Variants in ITGBL1 observed in about 807,000 individuals in gnomAD.
ITGBL1 encodes integrin subunit beta like 1.
A neutral mutation model predicts 68.5 loss-of-function variants in ITGBL1; 51 were observed. That is an observed-to-expected ratio of 0.74 (90% CI 0.59 to 0.94). ITGBL1 has a LOEUF of 0.94. Among genes scored for constraint, ITGBL1 ranks in the 40% least tolerant of loss-of-function variants. The probability of loss-of-function intolerance (pLI) is 0.00; values close to 1 mark genes in which losing one functional copy is unlikely to be tolerated. For synonymous variants in ITGBL1, 209 were observed against 227.3 expected (o/e 0.92, Z 0.72); for missense variants, 649 against 647.4 (o/e 1.00, Z -0.03).
chr13:101,592,820 A>C (rs1316382096), intron 6 of ITGBL1, among the ~76,000 whole-genome samples: 1 of 152,118 alleles, frequency 6.6e-6, no homozygotes, highest in Non-Finnish European at 1.5e-5. Context: ...AAAGCTACAA[A>C]ATTACTAGAA....
intron 7 of ITGBL1, among the ~76,000 whole-genome samples, chr13:101,640,517 A>G (rs1354977710): frequency 1.3e-5 from 2 of 152,284 alleles, no homozygotes; most frequent in African/African-American, 4.8e-5. Flanking sequence ...TTTTACTTCT[A>G]GAAGTCTATT....
At chr13:101,712,512 A>T (rs977196132) in intron 9 of ITGBL1, 1 of 152,224 alleles carries the variant, frequency 6.6e-6, no homozygotes, top group African/African-American at 2.4e-5. Context: ...AAGATATTTC[A>T]TGAATTGTGA....
intron 7 of ITGBL1, among the ~76,000 whole-genome samples, chr13:101,664,467 T>C (rs2033164644): frequency 6.6e-6 from 1 of 152,178 alleles, no homozygotes; most frequent in Non-Finnish European, 1.5e-5. Flanking sequence ...TATTTATATA[T>C]TGTTTCTTTT....
intron 8 of ITGBL1, 88 bp downstream of exon 8, chr13:101,692,789 T>G (rs2033911290): frequency 2.4e-6 from 2 of 828,824 alleles, no homozygotes; most frequent in Non-Finnish European, 4.2e-6. Flanking sequence ...CTTTTTCAAT[T>G]GCTGTTAAAA....
intron 2 of ITGBL1, among the ~76,000 whole-genome samples, chr13:101,533,483 A>G (rs2049518003): frequency 6.6e-6 from 1 of 152,164 alleles, no homozygotes; most frequent in Non-Finnish European, 1.5e-5. Flanking sequence ...GATTTCTTGT[A>G]TTTTCCACAA....
At chr13:101,638,978 G>T (rs933963704) in intron 7 of ITGBL1, among the ~76,000 whole-genome samples, 1 of 152,090 alleles carries the variant, frequency 6.6e-6, no homozygotes, top group Admixed American at 6.6e-5. Flanking sequence ...ATGGTAAAAA[G>T]TAACAACTAA....
At chr13:101,591,093 G>A (rs568792063) in intron 6 of ITGBL1, among the ~76,000 whole-genome samples, 1 of 152,184 alleles carries the variant, frequency 6.6e-6, no homozygotes, top group South Asian at 2.1e-4. Context: ...AGTAGAGATG[G>A]GGTTTCACCA....
intron 5 of ITGBL1, among the ~76,000 whole-genome samples, chr13:101,581,515 G>GA (rs1220543334): frequency 8.6e-5 from 13 of 151,474 alleles, no homozygotes; most frequent in Non-Finnish European, 1.5e-4. Flanking sequence ...TCTTATTAAA[G>GA]AAAAAAAATC....
intron 9 of ITGBL1, among the ~76,000 whole-genome samples, chr13:101,708,882 C>T (rs966546493): frequency 6.6e-6 from 1 of 152,208 alleles, no homozygotes; most frequent in Non-Finnish European, 1.5e-5. Flanking sequence ...CGCTTTGTGC[C>T]TTGTTTGTTC....
intron 7 of ITGBL1, among the ~76,000 whole-genome samples, chr13:101,673,238 C>A (rs1327322300): frequency 6.6e-6 from 1 of 152,170 alleles, no homozygotes; most frequent in Non-Finnish European, 1.5e-5. Context: ...TAAAATTTCA[C>A]AATCAATAGC....
chr13:101,481,653 G>C (rs2048626583), intron 2 of ITGBL1, among the ~76,000 whole-genome samples: 1 of 152,078 alleles, frequency 6.6e-6, no homozygotes, highest in South Asian at 2.1e-4. Flanking sequence ...ATCATGCTCT[G>C]ATGTTAAGTA....
At chr13:101,643,713 G>A (rs1390932515) in intron 7 of ITGBL1, among the ~76,000 whole-genome samples, 2 of 152,140 alleles carry the variant, frequency 1.3e-5, no homozygotes, top group African/African-American at 2.4e-5. Context: ...AGCAATTTGA[G>A]AACCAGCTGG....
intron 9 of ITGBL1, among the ~76,000 whole-genome samples, chr13:101,709,538 T>C (rs956726163): frequency 1.3e-5 from 2 of 152,146 alleles, no homozygotes; most frequent in East Asian, 1.9e-4. Context: ...GATTTTTTTT[T>C]CCTCTGAGCA....
chr13:101,624,544 A>G (rs971078343), intron 7 of ITGBL1, among the ~76,000 whole-genome samples: 1 of 152,184 alleles, frequency 6.6e-6, no homozygotes, highest in Admixed American at 6.6e-5. Context: ...AGAAAAACAG[A>G]GGTAGAATAA....
chr13:101,496,630 TCC>T (rs1221828907), intron 2 of ITGBL1, among the ~76,000 whole-genome samples: 1 of 152,174 alleles, frequency 6.6e-6, no homozygotes, highest in East Asian at 1.9e-4. Context: ...CCTTTGACTT[TCC>T]CTTGGAACCT....
At chr13:101,569,017 C>T in intron 3 of ITGBL1, among the ~76,000 whole-genome samples, 1 of 138,856 alleles carries the variant, frequency 7.2e-6, no homozygotes, top group South Asian at 2.4e-4. Flanking sequence ...ATAACACCCA[C>T]CCCTCCAAAC....
At chr13:101,595,333 G>C (rs190984696) in intron 6 of ITGBL1, among the ~76,000 whole-genome samples, 115 of 152,174 alleles carry the variant, frequency 7.6e-4, no homozygotes, top group African/African-American at 2.3e-3. Flanking sequence ...ACCAGAGCAG[G>C]AACTCCCTCA....
At chr13:101,497,127 G>A (rs2048868493) in intron 2 of ITGBL1, among the ~76,000 whole-genome samples, 1 of 152,220 alleles carries the variant, frequency 6.6e-6, no homozygotes. Flanking sequence ...TACAGGATGA[G>A]AGAAGCTAGA....
In ITGBL1 at chr13:101,520,918, G is replaced by A. The variant is rs531035381; in HGVS notation, c.317-46781G>A. Among the ~76,000 whole-genome samples, 15 of 152,242 alleles carry A rather than the reference G, an allele frequency of 9.9e-5. No individual in the cohort carries two copies. The South Asian group carries it at 3.1e-3, about 32-fold the overall frequency. On this transcript the variant is annotated intron_variant, in intron 2 of 10. Transcript: ENST00000376180. Reference sequence around the variant, plus strand: ...AGGAAGTGGTAATGAGTCACAAGCAGGATGATACAGTATTAACCCACATCC... The same window carrying A: ...AGGAAGTGGTAATGAGTCACAAGCAAGATGATACAGTATTAACCCACATCC...
Sources: gnomAD v4.1 joint callset for allele counts (sites outside exome capture counted in the v4.1 genomes callset) on GRCh38, gnomAD v4.1.1 for gene constraint, MANE v1.5 for transcripts, NCBI Gene and HGNC (gene_info 2026-07-23, HGNC 2026-07-21) for gene names.